Variants in ADGRL3 observed in about 807,000 individuals in gnomAD.
ADGRL3 encodes the protein adhesion G protein-coupled receptor L3, also known as calcium-independent alpha-latrotoxin receptor 3.
Under a neutral mutation model 153.5 loss-of-function variants are expected in ADGRL3, and 62 were observed. That is an observed-to-expected ratio of 0.40 (90% CI 0.33 to 0.50). The LOEUF (loss-of-function observed/expected upper bound fraction) is 0.50. Among genes scored for constraint, ADGRL3 ranks in the 20% least tolerant of loss-of-function variants. ADGRL3 has a pLI of 0.47. For synonymous variants in ADGRL3, 710 were observed against 672.5 expected (o/e 1.06, Z -0.86); for missense variants, 1,641 against 1,859.4 (o/e 0.88, Z 2.16).
intron 9 of ADGRL3, among the ~76,000 whole-genome samples, chr4:61,825,800 A>G (rs1000470093): frequency 3.9e-5 from 6 of 152,224 alleles, no homozygotes; most frequent in Non-Finnish European, 7.3e-5. Context: ...ATGTGGTCCA[A>G]TAGTGAGTTA....
chr4:61,422,293 C>T (rs1011939033), intron 2 of ADGRL3, among the ~76,000 whole-genome samples: 2 of 152,074 alleles, frequency 1.3e-5, no homozygotes, highest in Admixed American at 1.3e-4. Flanking sequence ...GAAAGTTAAC[C>T]AACTACAATA....
At chr4:61,519,463 A>G (rs2098517058) in intron 4 of ADGRL3, among the ~76,000 whole-genome samples, 1 of 152,206 alleles carries the variant, frequency 6.6e-6, no homozygotes, top group Non-Finnish European at 1.5e-5. Context: ...AGGCGCTTAC[A>G]GAATTGTGTT....
intron 1 of ADGRL3, among the ~76,000 whole-genome samples, chr4:61,218,429 C>T (rs1743875654): frequency 6.6e-6 from 1 of 152,092 alleles, no homozygotes; most frequent in African/African-American, 2.4e-5. Flanking sequence ...CCTACCTCAG[C>T]CTCACGAGTA....
chr4:61,242,319 C>T (rs1004520868), intron 1 of ADGRL3, among the ~76,000 whole-genome samples: 11 of 151,924 alleles, frequency 7.2e-5, no homozygotes, highest in Non-Finnish European at 5.9e-5. Flanking sequence ...AGTTGGTGTT[C>T]AGTAAATATT....
In ADGRL3 at chr4:61,200,501, GCGCCGCCGC is replaced by G. The variant is rs35918477; in HGVS notation, c.-1488_-1480del. On this transcript the variant is annotated 5_prime_UTR_variant, in exon 1 of 27. Transcript: ENST00000683033. ...CAGATGCTGCAGCTGGTCGGGGTGG[GCGCCGCCGC>G]CGCCGCCGCCGCCGCTGCTGCTGGT... 4.0e-4 allele frequency among the ~76,000 whole-genome samples: 60 copies of G among 150,412 alleles called. No homozygotes were observed. The highest frequency in any genetic ancestry group is 4.9e-4 in the Non-Finnish European group (33 of 67,540).
chr4:61,657,726 A>G lies in ADGRL3; in HGVS notation c.474-19100A>G, dbSNP rs191725927. 1.4e-3 allele frequency among the ~76,000 whole-genome samples: 213 copies of G among 152,310 alleles called. 2 individuals are homozygous for G. The highest frequency in any genetic ancestry group is 4.7e-3 in the African/African-American group (196 of 41,580). ...GGAGAAAAAAGCAAACAACAATGAA[A>G]CATTCAAATTTTATAAATGTATGCA... On this transcript the variant is annotated intron_variant, in intron 5 of 26. Coordinates refer to ENST00000683033, the MANE Select transcript of ADGRL3 (RefSeq NM_001387552.1).
intron 9 of ADGRL3, among the ~76,000 whole-genome samples, chr4:61,822,313 C>G (rs909792978): frequency 6.6e-6 from 1 of 152,116 alleles, no homozygotes; most frequent in Non-Finnish European, 1.5e-5. Flanking sequence ...ACGGTAAAGA[C>G]AATTCCCATT....
intron 1 of ADGRL3, among the ~76,000 whole-genome samples, chr4:61,214,440 G>C (rs1352663967): frequency 6.6e-6 from 1 of 152,090 alleles, no homozygotes; most frequent in African/African-American, 2.4e-5. Context: ...AACAAATGGT[G>C]GTTTGGATTA....
At chr4:61,374,725 C>A (rs2096583530) in intron 1 of ADGRL3, among the ~76,000 whole-genome samples, 2 of 151,912 alleles carry the variant, frequency 1.3e-5, no homozygotes, top group Admixed American at 1.3e-4. Flanking sequence ...ATTTTTTTTT[C>A]ACTTGTGCAG....
At chr4:61,479,225 T>G (rs2098104084) in intron 2 of ADGRL3, among the ~76,000 whole-genome samples, 1 of 152,092 alleles carries the variant, frequency 6.6e-6, no homozygotes, top group Admixed American at 6.5e-5. Flanking sequence ...GTTTTCCTTA[T>G]ATAATCCCTG....
intron 8 of ADGRL3, among the ~76,000 whole-genome samples, chr4:61,754,763 TC>T (rs2096800867): frequency 1.3e-5 from 2 of 151,920 alleles, no homozygotes; most frequent in Admixed American, 6.6e-5. Flanking sequence ...ATGCTATCCT[TC>T]CCCCCTCCCC....
At chr4:61,970,283 G>T (rs1329648608) in intron 17 of ADGRL3, among the ~76,000 whole-genome samples, 1 of 152,064 alleles carries the variant, frequency 6.6e-6, no homozygotes, top group Non-Finnish European at 1.5e-5. Flanking sequence ...ATTTAACTCA[G>T]AAATGCTAAG....
intron 21 of ADGRL3, among the ~76,000 whole-genome samples, chr4:62,004,857 C>A (rs938114469): frequency 1.3e-5 from 2 of 152,022 alleles, no homozygotes; most frequent in African/African-American, 4.8e-5. Flanking sequence ...AAAGAGAATT[C>A]TGAAAGTGAA....
Position 61,841,266 on chromosome 4 carries a change from A to G in ADGRL3, c.1480+27377A>G, listed in dbSNP as rs973647167. On this transcript the variant is annotated intron_variant, in intron 9 of 26. Coordinates refer to ENST00000683033, the MANE Select transcript of ADGRL3 (RefSeq NM_001387552.1). ...AGAAAATCCTTAGGCATAACTGAAAATTGTTGATCGCTACCAGGTTATTCC... is the reference window on the plus strand; with the variant it reads ...AGAAAATCCTTAGGCATAACTGAAAGTTGTTGATCGCTACCAGGTTATTCC... 2.6e-5 allele frequency among the ~76,000 whole-genome samples: 4 copies of G among 152,078 alleles called. No individual in the cohort carries two copies. In the South Asian group the frequency reaches 8.3e-4, roughly 32 times the overall value.
intron 1 of ADGRL3, among the ~76,000 whole-genome samples, chr4:61,276,847 T>C (rs929624670): frequency 1.3e-5 from 2 of 152,094 alleles, no homozygotes; most frequent in Non-Finnish European, 2.9e-5. Context: ...ATCTGAAAAA[T>C]AGGGATAATA....
intron 1 of ADGRL3, among the ~76,000 whole-genome samples, chr4:61,259,587 C>T (rs919234298): frequency 1.2e-4 from 19 of 152,102 alleles, no homozygotes; most frequent in African/African-American, 4.3e-4. Flanking sequence ...CTTTTATCCT[C>T]GTAGTGTTTA....
intron 17 of ADGRL3, among the ~76,000 whole-genome samples, chr4:61,961,382 A>G (rs924194032): frequency 1.3e-5 from 2 of 152,188 alleles, no homozygotes; most frequent in Non-Finnish European, 2.9e-5. Context: ...ATTTCAAAAT[A>G]TGAATGAGTA....
At chr4:61,369,166 C>T (rs992864148) in intron 1 of ADGRL3, among the ~76,000 whole-genome samples, 1 of 152,144 alleles carries the variant, frequency 6.6e-6, no homozygotes, top group Non-Finnish European at 1.5e-5. Context: ...ACAATCATGT[C>T]ATCTGCAAAC....
At position 61,909,761 on chromosome 4, in the gene ADGRL3, ATGTGTGTGTG is replaced by A. The variant is rs58884223; in HGVS notation, c.2073+48_2073+57del. The A allele has an allele frequency of 7.2e-4, 861 of 1,196,260 alleles. 12 individuals carry two copies. Among genetic ancestry groups the A allele is most frequent in the African/African-American group, 5.9e-3 (368 of 62,442 alleles). 74.1% of individuals were successfully genotyped at this position (1,196,260 alleles called of 1,614,324 possible). Reference sequence around the variant, plus strand: ...TTTGAACAAGGTAAGGACCCTAATTATGTGTGTGTGTGTGTGTGTGTGTGTGTGTGTGTGT... The same window carrying A: ...TTTGAACAAGGTAAGGACCCTAATTATGTGTGTGTGTGTGTGTGTGTGTGT... On this transcript the variant is annotated intron_variant, in intron 12 of 26. Coordinates refer to ENST00000683033, the MANE Select transcript of ADGRL3 (RefSeq NM_001387552.1).
Sources: gnomAD v4.1 joint callset for allele counts (sites outside exome capture counted in the v4.1 genomes callset) on GRCh38, gnomAD v4.1.1 for gene constraint, MANE v1.5 for transcripts, NCBI Gene and HGNC (gene_info 2026-07-23, HGNC 2026-07-21) for gene names.